The following TBC1D10B variants were observed in gnomAD, a reference collection of about 807,000 sequenced individuals.
TBC1D10B encodes the protein Rab27A-GAPbeta.
In TBC1D10B, 25 loss-of-function variants were observed where a neutral mutation model predicts 78.4. That is an observed-to-expected ratio of 0.32 (90% CI 0.23 to 0.45). The LOEUF is 0.45. Ranked by LOEUF, TBC1D10B falls within the 20% of genes least tolerant of loss-of-function variation. The pLI is 1.00. For synonymous variants in TBC1D10B, 517 were observed against 478.0 expected (o/e 1.08, Z -1.06); for missense variants, 996 against 1,104.8 (o/e 0.90, Z 1.40).
rs547564839 is a variant in TBC1D10B at position 30,357,807 on chromosome 16, G to T, written c.*137C>A. On this transcript the variant is annotated 3_prime_UTR_variant, in exon 9 of 9. Transcript: ENST00000409939. ...CTGCCCGTGTAGGGATCAGCAGCTG[G>T]CGAGGAGATGGGGAACCAAGCCACT... 42 of 1,199,604 alleles carry T rather than the reference G, an allele frequency of 3.5e-5. No homozygotes were observed. In the Admixed American group the frequency reaches 7.6e-4, roughly 22 times the overall value. 74.3% of individuals were successfully genotyped at this position (1,199,604 alleles called of 1,614,324 possible).
At position 30,369,168 on chromosome 16, in the gene TBC1D10B, C is replaced by A; in HGVS notation, c.956+60G>T. 7 of 1,463,254 alleles carry A rather than the reference C, an allele frequency of 4.8e-6. No individual in the cohort carries two copies. The highest frequency in any genetic ancestry group is 1.4e-5 in the South Asian group (1 of 71,052). The allele number at this position is 1,463,254 out of a possible 1,614,324, so 90.6% of individuals were successfully genotyped here. A position where few individuals can be genotyped will look rare whatever the true frequency, so the allele number is the denominator to read the frequency against. On this transcript the variant is annotated intron_variant, in intron 1 of 8. Transcript: ENST00000409939. The surrounding 1 kb of genome is among the most constrained non-coding windows in gnomAD (Gnocchi z 4.3). Reference sequence around the variant, plus strand: ...TGGGCAAAGTGTATCGTTTTCGTTTCGCCCTCCCCCAACCTTTGCTTCCCC... The same window carrying A: ...TGGGCAAAGTGTATCGTTTTCGTTTAGCCCTCCCCCAACCTTTGCTTCCCC...
chr16:30,360,139 A>G, intron 4 of TBC1D10B: 1 of 349,834 alleles, frequency 2.9e-6, no homozygotes, highest in East Asian at 5.5e-5. Flanking sequence ...GAAGCTTTCC[A>G]CAGCTGCAGC....
At chr16:30,363,858 A>G (rs986086692) in intron 4 of TBC1D10B, among the ~76,000 whole-genome samples, 4 of 152,312 alleles carry the variant, frequency 2.6e-5, no homozygotes, top group South Asian at 2.1e-4. Flanking sequence ...GCTCACGCCT[A>G]TAACGCTAGC....
chr16:30,366,612 C>G (rs2049638796), intron 1 of TBC1D10B: 1 of 152,168 alleles, frequency 6.6e-6, no homozygotes, highest in South Asian at 2.1e-4. Flanking sequence ...TCCCTTGGGT[C>G]ACCTGCAATT....
At chr16:30,361,208 C>A (rs1361988215) in intron 4 of TBC1D10B, among the ~76,000 whole-genome samples, 1 of 152,072 alleles carries the variant, frequency 6.6e-6, no homozygotes, top group African/African-American at 2.4e-5. Flanking sequence ...TCACTTGAAT[C>A]TGGGAATCTG....
Position 30,358,781 on chromosome 16 carries a change from A to G in TBC1D10B, c.1679T>C (p.Leu560Pro). ...KIIFRVALVLLRHTLGSVEKL... is the reference protein window; with the variant it reads ...KIIFRVALVLPRHTLGSVEKL... ...CTCCACTGAGCCCAGCGTGTGGCGC[A>G]GCAGGACCAGGGCCACCCGGAAGAT... Residue 560 changes from leucine (L) to proline (P), a missense_variant, in exon 8 of 9, where the codon CTG becomes CCG. By Grantham distance (98) the Leu-to-Pro change is moderately conservative. Around this residue, in one of 5 missense-constraint regions of TBC1D10B, gnomAD observed 168 missense variants for 238.7 expected, o/e 0.70. Transcript: ENST00000409939. The G allele has an allele frequency of 6.2e-7, 1 of 1,609,486 alleles. No individual in the cohort carries two copies.
At chr16:30,364,855 C>T in intron 4 of TBC1D10B, 45 bp downstream of exon 4, 1 of 1,542,588 alleles carries the variant, frequency 6.5e-7, no homozygotes, top group Non-Finnish European at 8.8e-7. Context: ...GGTGGATCCT[C>T]CAGCCAATGT....
intron 4 of TBC1D10B, 123 bp from the exon 5 acceptor site, chr16:30,359,964 G>A (rs1567412197): frequency 3.3e-6 from 3 of 904,438 alleles, no homozygotes; most frequent in Non-Finnish European, 5.0e-6. Context: ...CAGTCCTGCT[G>A]AGCGAGCTTC....
intron 4 of TBC1D10B, among the ~76,000 whole-genome samples, chr16:30,361,697 G>A (rs111519262): frequency 4.1e-4 from 61 of 149,060 alleles, no homozygotes; most frequent in African/African-American, 1.3e-3. Context: ...GAGCCACCGC[G>A]CCCAGCCACA....
chr16:30,357,767 A>G lies in TBC1D10B; in HGVS notation c.*177T>C. On this transcript the variant is annotated 3_prime_UTR_variant, in exon 9 of 9. Coordinates refer to ENST00000409939, the MANE Select transcript of TBC1D10B (RefSeq NM_015527.4). ...GATGAGAGGCTCCAGACTCATTTGC[A>G]GCTGCCCATCTGTCCTGCCCGTGTA... 1.2e-6 allele frequency: 1 copy of G among 847,878 alleles called. No individual in the cohort carries two copies. Among genetic ancestry groups the G allele is most frequent in the Non-Finnish European group, 1.8e-6 (1 of 564,266 alleles). The allele number at this position is 847,878 out of a possible 1,614,324, so 52.5% of individuals were successfully genotyped here.
Position 30,369,163 on chromosome 16 carries a change from C to T in TBC1D10B, c.956+65G>A, listed in dbSNP as rs879280359. On this transcript the variant is annotated intron_variant, in intron 1 of 8. Transcript: ENST00000409939. This position sits in a 1 kb window ranked among gnomAD's most constrained non-coding sequence, Gnocchi z 4.3. ...GAGTCTGGGCAAAGTGTATCGTTTT[C>T]GTTTCGCCCTCCCCCAACCTTTGCT... is the stretch of plus-strand genomic sequence containing the variant. 1.4e-6 allele frequency: 2 copies of T among 1,450,114 alleles called. No individual in the cohort carries two copies. Among genetic ancestry groups the T allele is most frequent in the Non-Finnish European group, 1.8e-6 (2 of 1,088,696 alleles). The allele number at this position is 1,450,114 out of a possible 1,614,324, so 89.8% of individuals were successfully genotyped here. A position where few individuals can be genotyped will look rare whatever the true frequency, so the allele number is the denominator to read the frequency against.
chr16:30,357,722 C>A lies in TBC1D10B; in HGVS notation c.*222G>T. The A allele has an allele frequency of 6.0e-6, 4 of 664,766 alleles. No individual in the cohort carries two copies. In the South Asian group the frequency reaches 8.1e-5, roughly 14 times the overall value. The allele number at this position is 664,766 out of a possible 1,614,324, so 41.2% of individuals were successfully genotyped here. ...GAACTGGGGCAGGAGCGACAGAGAC[C>A]CCAGCTGAGCCTCATGGGAGATGAG... On this transcript the variant is annotated 3_prime_UTR_variant, in exon 9 of 9. Transcript: ENST00000409939.
intron 8 of TBC1D10B, 41 bp downstream of exon 8, chr16:30,358,622 G>C: frequency 6.3e-7 from 1 of 1,588,738 alleles, no homozygotes; most frequent in Non-Finnish European, 8.6e-7. Flanking sequence ...GGTGGGAGCG[G>C]GCTGAGGCAG....
At chr16:30,368,370 T>C (rs2049653093) in intron 1 of TBC1D10B, among the ~76,000 whole-genome samples, 1 of 152,196 alleles carries the variant, frequency 6.6e-6, no homozygotes, top group African/African-American at 2.4e-5. Flanking sequence ...ACTGTTTAAG[T>C]ACTTTTCTTT....
Position 30,358,573 on chromosome 16 carries a change from C to T in TBC1D10B, c.1798G>A (p.Val600Met). Residue 600 changes from valine (V) to methionine (M), a missense_variant and splice_region_variant, in exon 9 of 9, where the codon GTG (valine) becomes ATG (methionine). By Grantham distance (21) the Val-to-Met change is conservative (BLOSUM62 1). Transcript: ENST00000409939. Reference sequence around the variant, plus strand: ...GCTTCTGTCACCGGCAGATTGGTCACCTGCACAGAGAGGAAATGCGTACCA... The same window carrying T: ...GCTTCTGTCACCGGCAGATTGGTCATCTGCACAGAGAGGAAATGCGTACCA... ...CMQEDFLVHEVTNLPVTEALI... is the reference protein window; with the variant it reads ...CMQEDFLVHEMTNLPVTEALI... 2 of 1,597,684 alleles carry T rather than the reference C, an allele frequency of 1.3e-6. No individual in the cohort carries two copies. The highest frequency in any genetic ancestry group is 1.7e-6 in the Non-Finnish European group (2 of 1,167,998).
intron 1 of TBC1D10B, chr16:30,367,345 TAAAC>T (rs1176214939): frequency 1.3e-5 from 2 of 152,220 alleles, no homozygotes; most frequent in Non-Finnish European, 2.9e-5. Flanking sequence ...AGAAGCTCCT[TAAAC>T]AGAGAGACCA....
At chr16:30,368,504 C>T (rs1233280406) in intron 1 of TBC1D10B, among the ~76,000 whole-genome samples, 3 of 152,214 alleles carry the variant, frequency 2.0e-5, no homozygotes, top group East Asian at 3.9e-4. Context: ...ACAGGAACAA[C>T]GGGCAGGATC....
Position 30,365,020 on chromosome 16 carries a change from G to A in TBC1D10B, c.1165-14C>T, listed in dbSNP as rs747671482. ...CCGTTCCAGCTCCTGCAGTGGGACA[G>A]TGGGGATTACCTCAGCATCTGGGGG... On this transcript the variant is annotated splice_polypyrimidine_tract_variant and intron_variant, in intron 3 of 8. Coordinates refer to ENST00000409939, the MANE Select transcript of TBC1D10B (RefSeq NM_015527.4). This position sits in a 1 kb window ranked among gnomAD's most constrained non-coding sequence, Gnocchi z 5.0. 2.5e-6 allele frequency: 4 copies of A among 1,613,158 alleles called. No individual in the cohort carries two copies. Among genetic ancestry groups the A allele is most frequent in the African/African-American group, 1.3e-5 (1 of 75,022 alleles).
Position 30,364,912 on chromosome 16 carries a change from C to T in TBC1D10B, c.1259G>A (p.Arg420Gln), listed in dbSNP as rs200682166. ...QFPFHEMFAA[R>Q]GGHGQQDLYR... is the part of the protein sequence containing the mutation. Reference sequence around the variant, plus strand: ...CCGGCCACCTTACCCATGCCCCCCTCGAGCAGCAAACATCTCGTGGAAAGG... The same window carrying T: ...CCGGCCACCTTACCCATGCCCCCCTTGAGCAGCAAACATCTCGTGGAAAGG... Residue 420 changes from arginine to glutamine, a missense_variant, in exon 4 of 9, where the codon CGA becomes CAA. Arg to Gln is a conservative substitution (Grantham distance 43). This residue lies in a region of TBC1D10B where 93 missense variants were observed against 152.7 expected (regional missense o/e 0.61). Coordinates refer to ENST00000409939, the MANE Select transcript of TBC1D10B (RefSeq NM_015527.4). 4 of 1,610,648 alleles carry T rather than the reference C, an allele frequency of 2.5e-6. No homozygotes were observed. Among genetic ancestry groups the T allele is most frequent in the Admixed American group, 3.4e-5 (2 of 59,654 alleles).
Sources: gnomAD v4.1 joint callset for allele counts (sites outside exome capture counted in the v4.1 genomes callset) on GRCh38, gnomAD v4.1.1 for gene constraint, gnomAD v4.1.1 regional missense constraint, Gnocchi (gnomAD v3.1) non-coding constraint, MANE v1.5 for transcripts, NCBI Gene and HGNC (gene_info 2026-07-23, HGNC 2026-07-21) for gene names.